The following ERICH3 variants were observed in gnomAD, a reference collection of about 807,000 sequenced individuals.
ERICH3 encodes glutamate rich 3, also known as glutamate-rich protein 3.
ERICH3 carries 126 observed loss-of-function variants against 131.1 expected under a neutral mutation model. That is an observed-to-expected ratio of 0.96 (90% CI 0.83 to 1.11). The LOEUF (loss-of-function observed/expected upper bound fraction) is 1.11. Ranked by LOEUF, ERICH3 falls within the 50% of genes most tolerant of loss-of-function variation. The pLI is 0.00. For synonymous variants in ERICH3, 695 were observed against 644.6 expected (o/e 1.08, Z -1.18); for missense variants, 2,050 against 1,810.7 (o/e 1.13, Z -2.40).
chr1:74,640,335 A>G (rs1473693836), intron 5 of ERICH3, among the ~76,000 whole-genome samples: 1 of 152,172 alleles, frequency 6.6e-6, no homozygotes, highest in Non-Finnish European at 1.5e-5. Context: ...AAATAGGGTG[A>G]CAACAAAGGA....
At chr1:74,663,282 T>C (rs2100655847) in intron 1 of ERICH3, among the ~76,000 whole-genome samples, 1 of 152,054 alleles carries the variant, frequency 6.6e-6, no homozygotes, top group East Asian at 1.9e-4. Flanking sequence ...CAGATATAAA[T>C]CCCACAAGGA....
At chr1:74,633,648 A>T (rs949222029) in intron 6 of ERICH3, among the ~76,000 whole-genome samples, 1 of 152,026 alleles carries the variant, frequency 6.6e-6, no homozygotes. Flanking sequence ...CTTTAATATA[A>T]CATAACAAGT....
At chr1:74,631,647 T>A in intron 7 of ERICH3, 66 bp downstream of exon 7, 1 of 1,339,850 alleles carries the variant, frequency 7.5e-7, no homozygotes, top group Non-Finnish European at 1.1e-6. Context: ...ACTGCAAACC[T>A]AGAAATCTAA....
At chr1:74,634,204 A>C (rs906650605) in intron 6 of ERICH3, among the ~76,000 whole-genome samples, 1 of 152,112 alleles carries the variant, frequency 6.6e-6, no homozygotes, top group Non-Finnish European at 1.5e-5. Flanking sequence ...CATTGAAAAA[A>C]ATTACAGATA....
chr1:74,597,251 G>C (rs1206949788), intron 11 of ERICH3, among the ~76,000 whole-genome samples: 5 of 151,786 alleles, frequency 3.3e-5, no homozygotes, highest in Non-Finnish European at 7.4e-5. Flanking sequence ...TTTATGCCTT[G>C]AATAACACAA....
chr1:74,673,602 C>T lies in ERICH3; in HGVS notation c.-83G>A. The T allele has an allele frequency of 1.3e-6, 2 of 1,510,650 alleles. No homozygotes were observed. The highest frequency in any genetic ancestry group is 2.5e-5 in the East Asian group (1 of 40,754). 93.6% of individuals were successfully genotyped at this position (1,510,650 alleles called of 1,614,324 possible). ...CCGTGCGCGCTGGCGCTGCGACAGT[C>T]GCGCTCGAGGGGTGGCTCCGCACCG... On this transcript the variant is annotated 5_prime_UTR_variant, in exon 1 of 15. Transcript: ENST00000326665.
chr1:74,643,108 C>T lies in ERICH3; in HGVS notation c.244-10G>A. On this transcript the variant is annotated splice_polypyrimidine_tract_variant and intron_variant, in intron 3 of 14. Transcript: ENST00000326665. ...CAAGCTGATGGTAACGCTAAGCATA[C>T]AGGAAAGAATAAAGGAGAGAATCAT... 2 of 1,603,570 alleles carry T rather than the reference C, an allele frequency of 1.2e-6. No individual in the cohort carries two copies. Among genetic ancestry groups the T allele is most frequent in the East Asian group, 2.2e-5 (1 of 44,644 alleles).
Position 74,573,300 on chromosome 1 carries a change from C to G in ERICH3, c.2410G>C (p.Val804Leu), listed in dbSNP as rs142804796. ...CACGCCCTCAAGGGAGCCTCATGAA[C>G]AGCTCCTGCTTCTCCCCACAGTGCT... ...EAALWGEAGA[V>L]HEAPLRAWKP... Residue 804 changes from valine (V) to leucine (L), a missense_variant, in exon 14 of 15, where the codon GTT becomes CTT. By Grantham distance (32) the Val-to-Leu change is conservative. Coordinates refer to ENST00000326665, the MANE Select transcript of ERICH3 (RefSeq NM_001002912.5). 6 of 1,601,048 alleles carry G rather than the reference C, an allele frequency of 3.7e-6. No individual in the cohort carries two copies. Among genetic ancestry groups the G allele is most frequent in the African/African-American group, 1.3e-5 (1 of 74,388 alleles).
intron 12 of ERICH3, chr1:74,580,017 A>C (rs1249634156): frequency 1.6e-5 from 7 of 432,770 alleles, no homozygotes; most frequent in African/African-American, 4.3e-5. Context: ...AAAAACAAAT[A>C]TATTTTAAAT....
chr1:74,666,407 T>C (rs1402316028), intron 1 of ERICH3, among the ~76,000 whole-genome samples: 2 of 152,170 alleles, frequency 1.3e-5, no homozygotes, highest in African/African-American at 4.8e-5. Flanking sequence ...GATTTTACAA[T>C]TGTCAAAAAA....
At chr1:74,596,318 T>G (rs1647847714) in intron 11 of ERICH3, among the ~76,000 whole-genome samples, 1 of 151,758 alleles carries the variant, frequency 6.6e-6, no homozygotes, top group Non-Finnish European at 1.5e-5. Context: ...AGTTAGTCTT[T>G]TTTTTCATTA....
chr1:74,581,330 A>G (rs1018001427), intron 12 of ERICH3, among the ~76,000 whole-genome samples: 7 of 152,118 alleles, frequency 4.6e-5, no homozygotes, highest in Non-Finnish European at 1.0e-4. Flanking sequence ...TACATTTCTT[A>G]AAGTCTGATT....
intron 5 of ERICH3, among the ~76,000 whole-genome samples, chr1:74,637,590 T>C (rs1646400682): frequency 6.6e-6 from 1 of 152,152 alleles, no homozygotes. Flanking sequence ...GAAGTGCTTT[T>C]GGGGCATTGA....
chr1:74,636,473 A>G, intron 5 of ERICH3, 35 bp from the exon 6 acceptor site: 2 of 1,573,664 alleles, frequency 1.3e-6, no homozygotes, highest in Non-Finnish European at 8.7e-7. Flanking sequence ...CATTTAAATT[A>G]GTATCTTGAC....
rs1181340405 is a variant in ERICH3 at position 74,590,044 on chromosome 1, T to A, written c.1763A>T (p.His588Leu). The A allele has an allele frequency of 6.2e-7, 1 of 1,612,792 alleles. No homozygotes were observed. Among genetic ancestry groups the A allele is most frequent in the East Asian group, 2.2e-5 (1 of 44,794 alleles). The change falls in exon 12 of 15, where the codon CAC (histidine) becomes CTC (leucine). Residue 588 changes from histidine (H) to leucine (L), a missense_variant. Transcript: ENST00000326665. ...ATCCTCACTGTCACTAGAATAAGGGTGACTTCTGGATGAGGTTGATGAAGC... is the reference window on the plus strand; with the variant it reads ...ATCCTCACTGTCACTAGAATAAGGGAGACTTCTGGATGAGGTTGATGAAGC... Reference protein sequence around the residue: ...KTASSTSSRSHPYSSDSEDES... With the variant: ...KTASSTSSRSLPYSSDSEDES...
chr1:74,576,039 C>T (rs1218039131), intron 13 of ERICH3, among the ~76,000 whole-genome samples: 3 of 152,094 alleles, frequency 2.0e-5, no homozygotes, highest in Non-Finnish European at 4.4e-5. Context: ...ACTTGGAAGT[C>T]AGACTAACCT....
chr1:74,667,517 C>T (rs545528070), intron 1 of ERICH3, among the ~76,000 whole-genome samples: 1 of 152,120 alleles, frequency 6.6e-6, no homozygotes, highest in African/African-American at 2.4e-5. Flanking sequence ...TTCAGTACTA[C>T]CTTCAATGGC....
intron 12 of ERICH3, among the ~76,000 whole-genome samples, chr1:74,581,181 G>A (rs1483975808): frequency 1.3e-5 from 2 of 151,948 alleles, no homozygotes; most frequent in Non-Finnish European, 2.9e-5. Flanking sequence ...GATTTAATCT[G>A]GCAAAAATTA....
intron 12 of ERICH3, among the ~76,000 whole-genome samples, chr1:74,585,059 A>T (rs1385733391): frequency 1.3e-5 from 2 of 152,188 alleles, no homozygotes; most frequent in South Asian, 2.1e-4. Context: ...GCTTATTCCC[A>T]TATGCATTTG....
Sources: gnomAD v4.1 joint callset for allele counts (sites outside exome capture counted in the v4.1 genomes callset) on GRCh38, gnomAD v4.1.1 for gene constraint, MANE v1.5 for transcripts, NCBI Gene and HGNC (gene_info 2026-07-23, HGNC 2026-07-21) for gene names.